The following SPAG16 variants were observed in gnomAD, a reference collection of about 807,000 sequenced individuals.
SPAG16 encodes the protein sperm-associated antigen 16 protein.
Under a neutral mutation model 80.4 loss-of-function variants are expected in SPAG16, and 86 were observed. The ratio of observed to expected loss-of-function variants is 1.07; its 90% confidence interval spans 0.90 to 1.28. SPAG16 has a LOEUF of 1.28. Ranked by LOEUF, SPAG16 falls within the 50% of genes most tolerant of loss-of-function variation. SPAG16 has a pLI of 0.00. For missense variants in SPAG16, 870 were observed against 765.3 expected (o/e 1.14, Z -1.61); for synonymous variants, 294 against 265.9 (o/e 1.11, Z -1.03).
intron 10 of SPAG16, among the ~76,000 whole-genome samples, chr2:213,834,844 C>T (rs1334831049): frequency 6.6e-6 from 1 of 152,064 alleles, no homozygotes; most frequent in Non-Finnish European, 1.5e-5. Flanking sequence ...TTCTGTTTGC[C>T]TTCAGAAATA....
At chr2:214,060,828 A>T (rs1344687694) in intron 13 of SPAG16, among the ~76,000 whole-genome samples, 1 of 152,192 alleles carries the variant, frequency 6.6e-6, no homozygotes, top group Non-Finnish European at 1.5e-5. Context: ...GAGGATTCAG[A>T]AAATTCCTTC....
rs534342436 is a variant in SPAG16, at chr2:213,710,325, T to TAG, written c.1071-152160_1071-152159insAG. On this transcript the variant is annotated intron_variant, in intron 10 of 15. Transcript: ENST00000331683. ...AAGTTATAGGAAATGACATAAATCT[T>TAG]CAGAAAAATGATAAAATTACATGTA... Among the ~76,000 whole-genome samples, 102 of 152,028 alleles carry TAG rather than the reference T, an allele frequency of 6.7e-4. 1 individual carries two copies. The highest frequency in any genetic ancestry group is 2.2e-3 in the African/African-American group (93 of 41,504).
intron 15 of SPAG16, among the ~76,000 whole-genome samples, chr2:214,234,902 T>C (rs545596787): frequency 6.6e-6 from 1 of 152,276 alleles, no homozygotes; most frequent in East Asian, 1.9e-4. Context: ...TTTTTATTTC[T>C]TAATTCCCTT....
intron 13 of SPAG16, among the ~76,000 whole-genome samples, chr2:214,083,638 C>T (rs2051527905): frequency 6.6e-6 from 1 of 152,098 alleles, no homozygotes; most frequent in Non-Finnish European, 1.5e-5. Flanking sequence ...GCATATCTGA[C>T]CTGGGGATCT....
chr2:213,647,606 A>G (rs1314924998), intron 10 of SPAG16, among the ~76,000 whole-genome samples: 1 of 151,524 alleles, frequency 6.6e-6, no homozygotes, highest in African/African-American at 2.4e-5. Flanking sequence ...CTGCTCGCCC[A>G]TCTTTTTGTA....
intron 12 of SPAG16, among the ~76,000 whole-genome samples, chr2:214,009,409 A>G (rs2047181532): frequency 6.6e-6 from 1 of 152,166 alleles, no homozygotes; most frequent in Admixed American, 6.6e-5. Flanking sequence ...CTTAAGGATT[A>G]TATTCCTGTG....
At chr2:213,588,429 C>T (rs886099375) in intron 10 of SPAG16, among the ~76,000 whole-genome samples, 18 of 151,200 alleles carry the variant, frequency 1.2e-4, no homozygotes, top group African/African-American at 4.1e-4. Flanking sequence ...AAGGAAAACA[C>T]TAACCACCTC....
intron 11 of SPAG16, among the ~76,000 whole-genome samples, chr2:213,893,010 G>T (rs2106087195): frequency 6.6e-6 from 1 of 152,068 alleles, no homozygotes; most frequent in South Asian, 2.1e-4. Context: ...CAAGACCTAT[G>T]ATAATCAAAC....
intron 9 of SPAG16, among the ~76,000 whole-genome samples, chr2:213,489,081 G>GA (rs58151966): frequency 0.41 from 37,172 of 90,774 alleles, 6,024 homozygotes; most frequent in Middle Eastern, 0.56. Context: ...TCTCAAAAAC[G>GA]AAAAAAAAAA....
At chr2:213,869,535 T>G (rs1348143889) in intron 11 of SPAG16, among the ~76,000 whole-genome samples, 1 of 151,566 alleles carries the variant, frequency 6.6e-6, no homozygotes, top group Non-Finnish European at 1.5e-5. Context: ...GTAATAATAT[T>G]CAACTTTATA....
intron 4 of SPAG16, among the ~76,000 whole-genome samples, chr2:213,311,277 AAT>A (rs1221378975): frequency 6.6e-6 from 1 of 151,698 alleles, no homozygotes; most frequent in Non-Finnish European, 1.5e-5. Flanking sequence ...TGTACTAGAA[AAT>A]ATATTTTTTG....
intron 15 of SPAG16, among the ~76,000 whole-genome samples, chr2:214,309,091 A>G (rs1054228899): frequency 6.6e-6 from 1 of 151,606 alleles, no homozygotes; most frequent in African/African-American, 2.4e-5. Context: ...ATTCCTTTTC[A>G]TTCTTTTTTT....
chr2:213,417,137 C>A (rs185201288), intron 9 of SPAG16, among the ~76,000 whole-genome samples: 1 of 152,198 alleles, frequency 6.6e-6, no homozygotes, highest in African/African-American at 2.4e-5. Context: ...GCTAGACTTT[C>A]CTGTCTTTAA....
chr2:214,125,320 T>C (rs1055277952), intron 14 of SPAG16, among the ~76,000 whole-genome samples: 2 of 151,760 alleles, frequency 1.3e-5, no homozygotes, highest in Non-Finnish European at 2.9e-5. Context: ...TTTCAATTTT[T>C]ACAGACTGAA....
At chr2:213,965,465 C>T (rs2106363817) in intron 12 of SPAG16, among the ~76,000 whole-genome samples, 1 of 152,264 alleles carries the variant, frequency 6.6e-6, no homozygotes, top group Admixed American at 6.5e-5. Context: ...TTAGAGAATA[C>T]CTCAGGGCAT....
chr2:214,193,462 A>AGAGAGAG (rs2057733022), intron 15 of SPAG16, among the ~76,000 whole-genome samples: 3 of 97,874 alleles, frequency 3.1e-5, no homozygotes, highest in African/African-American at 9.4e-5. Flanking sequence ...AGAGAGAGAG[A>AGAGAGAG]AGGGGGTAGA....
chr2:213,675,298 T>C (rs1315107206), intron 10 of SPAG16, among the ~76,000 whole-genome samples: 1 of 152,190 alleles, frequency 6.6e-6, no homozygotes, highest in Non-Finnish European at 1.5e-5. Flanking sequence ...CTTTGTCAGA[T>C]GAGTAGGTTG....
In SPAG16 at chr2:214,387,698, T is replaced by C. The variant is rs190114406; in HGVS notation, c.1721-22442T>C. On this transcript the variant is annotated intron_variant, in intron 15 of 15. Coordinates refer to ENST00000331683, the MANE Select transcript of SPAG16 (RefSeq NM_024532.5). Reference sequence around the variant, plus strand: ...GGAGGCCTCAGGAAACTTACAATCATGGTAGAAGGGGAAGCAAACACATCC... The same window carrying C: ...GGAGGCCTCAGGAAACTTACAATCACGGTAGAAGGGGAAGCAAACACATCC... Among the ~76,000 whole-genome samples, 409 of 152,276 alleles carry C rather than the reference T, an allele frequency of 2.7e-3. 2 individuals are homozygous for C. The highest frequency in any genetic ancestry group is 9.2e-3 in the African/African-American group (381 of 41,568).
chr2:213,979,019 C>T lies in SPAG16; in HGVS notation c.1401-34932C>T, dbSNP rs150255369. ...GAGAGAAAGAGAGGAGAAATAAGGA[C>T]GGAAAATAATATCTCTTATAAGCTG... On this transcript the variant is annotated intron_variant, in intron 12 of 15. Transcript: ENST00000331683. 1.5e-3 allele frequency among the ~76,000 whole-genome samples: 235 copies of T among 151,842 alleles called. 1 individual carries two copies. The highest frequency in any genetic ancestry group is 4.7e-3 in the African/African-American group (196 of 41,456).
Sources: gnomAD v4.1 joint callset for allele counts (sites outside exome capture counted in the v4.1 genomes callset) on GRCh38, gnomAD v4.1.1 for gene constraint, MANE v1.5 for transcripts, NCBI Gene and HGNC (gene_info 2026-07-23, HGNC 2026-07-21) for gene names.